Variants in S100Z observed in about 807,000 individuals in gnomAD.
The protein encoded by S100Z is S100 calcium binding protein Z, also known as protein S100-Z.
S100Z carries 11 observed loss-of-function variants against 8.5 expected under a neutral mutation model. That is an observed-to-expected ratio of 1.30 (90% CI 0.82 to 2.15). The LOEUF is 2.15. Ranked by LOEUF, S100Z falls within the 30% of genes most tolerant of loss-of-function variation. S100Z has a pLI of 0.00. For missense variants in S100Z, 126 were observed against 117.9 expected (o/e 1.07, Z -0.32); for synonymous variants, 34 against 43.8 (o/e 0.78, Z 0.89).
At chr5:76,922,093 C>T (rs1169178060), downstream of S100Z, among the ~76,000 whole-genome samples, 1 of 152,094 alleles carries the variant, frequency 6.6e-6, no homozygotes, top group Non-Finnish European at 1.5e-5. Context: ...ACCCCAAAGA[C>T]TGTGCTTTGA....
chr5:76,900,793 G>A (rs1003947545), intron 4 of S100Z, among the ~76,000 whole-genome samples: 1 of 152,140 alleles, frequency 6.6e-6, no homozygotes, highest in Non-Finnish European at 1.5e-5. Flanking sequence ...GCTAGTAGAT[G>A]TTCTTCAGTG....
chr5:76,900,420 TTTTA>T lies in S100Z; in HGVS notation c.*3-20294_*3-20291del, dbSNP rs199828166. Among the ~76,000 whole-genome samples, 1,252 of 152,294 alleles carry T rather than the reference TTTTA, an allele frequency of 8.2e-3. 14 individuals carry two copies. Among genetic ancestry groups the T allele is most frequent in the African/African-American group, 0.028 (1,179 of 41,562 alleles). The stretch of plus-strand genomic sequence containing the variant: ...GATTCTGTAGGATTACTTCATTGTT[TTTTA>T]TTCTTTTTTCTTCTGTCTCCTCTGT... On this transcript the variant is annotated intron_variant, in intron 4 of 4. Transcript: ENST00000317593.
At chr5:76,898,440 C>CA (rs1744114675) in intron 4 of S100Z, among the ~76,000 whole-genome samples, 1 of 152,178 alleles carries the variant, frequency 6.6e-6, no homozygotes, top group South Asian at 2.1e-4. Flanking sequence ...GCTGGGATTA[C>CA]AGGCATCAGC....
At position 76,903,890 on chromosome 5, in the gene S100Z, AT is replaced by A. The variant is rs869119186; in HGVS notation, c.*3-16819del. Among the ~76,000 whole-genome samples the A allele has an allele frequency of 1.8e-4, 27 of 150,530 alleles. No homozygotes were observed. In the East Asian group the frequency reaches 1.8e-3, roughly 10 times the overall value. On this transcript the variant is annotated intron_variant, in intron 4 of 4. Transcript: ENST00000317593. The stretch of plus-strand genomic sequence containing the variant: ...CAGGCGCCCGCCACCACGCCTGGCT[AT>A]TTTTTTTGTGTGTGTGTATTTTTAG...
downstream of S100Z, among the ~76,000 whole-genome samples, chr5:76,922,669 A>T (rs930715272): frequency 3.3e-5 from 5 of 151,978 alleles, no homozygotes; most frequent in Non-Finnish European, 7.4e-5. Context: ...GACTACAGGC[A>T]CCCGCTACCA....
At chr5:76,936,420 ATCTACATGGTAGGATTAAGGC>A in the S100Z span, among the ~76,000 whole-genome samples, 6 of 152,156 alleles carry the variant, frequency 3.9e-5, no homozygotes, top group Non-Finnish European at 5.9e-5. Context: ...CCATGGTTAT[ATCTACATGGTAGGATTAAGGC>A]TGATTTATGG....
At chr5:76,873,928 T>G (rs1017853844) in intron 2 of S100Z, among the ~76,000 whole-genome samples, 4 of 152,212 alleles carry the variant, frequency 2.6e-5, no homozygotes. Flanking sequence ...CTGAGGTTTA[T>G]TTCAACTTTT....
chr5:76,860,051 A>T (rs1170765250), intron 1 of S100Z, among the ~76,000 whole-genome samples: 2 of 152,170 alleles, frequency 1.3e-5, no homozygotes, highest in Non-Finnish European at 2.9e-5. Flanking sequence ...GAGGTATATC[A>T]GACAGGGCTC....
intron 4 of S100Z, among the ~76,000 whole-genome samples, chr5:76,891,967 T>C (rs1743875861): frequency 6.6e-6 from 1 of 152,150 alleles, no homozygotes; most frequent in Non-Finnish European, 1.5e-5. Flanking sequence ...CTAAGGGTAC[T>C]TATCAAACAT....
chr5:76,887,941 A>G (rs1199530911), intron 4 of S100Z, among the ~76,000 whole-genome samples: 1 of 152,060 alleles, frequency 6.6e-6, no homozygotes, highest in African/African-American at 2.4e-5. Flanking sequence ...TCTGTCTTTC[A>G]AAAGTTATGT....
chr5:76,883,755 C>T (rs1350755607), intron 4 of S100Z, among the ~76,000 whole-genome samples: 2 of 152,198 alleles, frequency 1.3e-5, no homozygotes, highest in Non-Finnish European at 2.9e-5. Flanking sequence ...GTCCGATTTC[C>T]ACTGGGGTCC....
At chr5:76,884,215 C>T (rs1743517697) in intron 4 of S100Z, among the ~76,000 whole-genome samples, 1 of 152,210 alleles carries the variant, frequency 6.6e-6, no homozygotes, top group Non-Finnish European at 1.5e-5. Flanking sequence ...CTGGGCTGGG[C>T]TTTCGTCTTT....
chr5:76,899,411 G>C (rs1238902516), intron 4 of S100Z, among the ~76,000 whole-genome samples: 1 of 146,840 alleles, frequency 6.8e-6, no homozygotes, highest in Admixed American at 6.7e-5. Context: ...TGGTTTTTGT[G>C]GTCTTCTCTT....
At chr5:76,910,152 AGGGAAAG>A (rs1383074905) in intron 4 of S100Z, among the ~76,000 whole-genome samples, 19 of 152,216 alleles carry the variant, frequency 1.2e-4, no homozygotes, top group Admixed American at 1.3e-4. Flanking sequence ...ACCATAACTC[AGGGAAAG>A]GAAGAAAATC....
At chr5:76,940,558 A>G in the S100Z span, among the ~76,000 whole-genome samples, 1 of 152,034 alleles carries the variant, frequency 6.6e-6, no homozygotes. Flanking sequence ...GATTACAGGC[A>G]TCTGCCACCA....
chr5:76,891,835 G>A lies in S100Z; in HGVS notation c.*2+14001G>A, dbSNP rs114635602. On this transcript the variant is annotated intron_variant, in intron 4 of 4. Transcript: ENST00000317593. ...ATTAGGGGCCTGGGAGAGGGAGGAG[G>A]GGGAGGGAAAGGATGTCACCAGACC... is the stretch of plus-strand genomic sequence containing the variant. Among the ~76,000 whole-genome samples, 685 of 151,656 alleles carry A rather than the reference G, an allele frequency of 4.5e-3. 5 individuals are homozygous for A. Among genetic ancestry groups the A allele is most frequent in the African/African-American group, 0.015 (636 of 41,318 alleles).
At chr5:76,920,458 A>G (rs199821428) in intron 4 of S100Z, among the ~76,000 whole-genome samples, 3 of 152,202 alleles carry the variant, frequency 2.0e-5, no homozygotes, top group East Asian at 1.9e-4. Flanking sequence ...CATGCATAGC[A>G]TAATGGTATA....
At chr5:76,898,857 A>C (rs1366258324) in intron 4 of S100Z, among the ~76,000 whole-genome samples, 1 of 151,098 alleles carries the variant, frequency 6.6e-6, no homozygotes, top group Non-Finnish European at 1.5e-5. Flanking sequence ...GAATAGTTTG[A>C]GTAAGATTGG....
intron 2 of S100Z, among the ~76,000 whole-genome samples, chr5:76,872,636 G>C (rs1214538835): frequency 6.6e-6 from 1 of 151,706 alleles, no homozygotes; most frequent in Non-Finnish European, 1.5e-5. Context: ...TTCCAGCATG[G>C]GTGACAGAGC....
Sources: allele counts gnomAD v4.1 joint callset (sites outside exome capture counted in the v4.1 genomes callset), GRCh38; gene constraint gnomAD v4.1.1; transcripts MANE v1.5; gene names NCBI Gene and HGNC (gene_info 2026-07-23, HGNC 2026-07-21).